OR8J1: variants seen among roughly 807,000 people sequenced by gnomAD.
The protein encoded by OR8J1 is olfactory receptor family 8 subfamily J member 1, also known as olfactory receptor 8J1.
For synonymous variants in OR8J1, 157 were observed against 144.3 expected (o/e 1.09, Z -0.63); for missense variants, 400 against 373.0 (o/e 1.07, Z -0.60).
intron 1 of OR8J1, chr11:56,357,556 C>A: frequency 2.2e-6 from 2 of 896,238 alleles, no homozygotes; most frequent in Non-Finnish European, 3.7e-6. Flanking sequence ...GTCCGCGCGG[C>A]ACATGCACAC....
chr11:56,354,530 T>C (rs1475786576), intron 1 of OR8J1, among the ~76,000 whole-genome samples: 1 of 152,226 alleles, frequency 6.6e-6, no homozygotes, highest in African/African-American at 2.4e-5. Context: ...AAGCTATTTA[T>C]GTCTCCAAAA....
intron 1 of OR8J1, 95 bp downstream of exon 1, chr11:56,354,420 G>A (rs1329362148): frequency 1.3e-5 from 2 of 151,932 alleles, no homozygotes; most frequent in East Asian, 3.9e-4. Context: ...GTATGGTTTT[G>A]GATCTTTTAA....
At chr11:56,359,157 A>T (rs1286398316) in intron 1 of OR8J1, among the ~76,000 whole-genome samples, 1 of 152,090 alleles carries the variant, frequency 6.6e-6, no homozygotes, top group East Asian at 1.9e-4. Flanking sequence ...GGTGTCCACA[A>T]CAGGGGAACT....
chr11:56,361,033 C>A lies in OR8J1; in HGVS notation c.787C>A (p.Arg263=). ...ATTGCTATTCATGTATGTGCAGCCC[C>A]GAAGTAACCATTCACTGGATACTGA... ...GTLLFMYVQP[R]SNHSLDTDDK... Residue 263 remains arginine, a synonymous_variant, in exon 2 of 2, where the codon CGA becomes AGA. Transcript: ENST00000533152. The A allele has an allele frequency of 1.3e-6, 2 of 1,493,302 alleles. No homozygotes were observed. The highest frequency in any genetic ancestry group is 2.5e-5 in the Admixed American group (1 of 40,238). 92.5% of individuals were successfully genotyped at this position (1,493,302 alleles called of 1,614,324 possible).
At chr11:56,357,500 T>C (rs61903531) in intron 1 of OR8J1, 57,988 of 859,972 alleles carry the variant, frequency 0.067, 2,433 homozygotes, top group Non-Finnish European at 0.081. Flanking sequence ...TAAACAGATA[T>C]ATCATTTGTC....
Position 56,360,764 on chromosome 11 carries a change from T to C in OR8J1, c.518T>C (p.Ile173Thr), listed in dbSNP as rs751587393. The change falls in exon 2 of 2, where the codon ATA (isoleucine) becomes ACA (threonine). Residue 173 changes from isoleucine to threonine, a missense_variant. Ile to Thr is a moderately conservative substitution (Grantham distance 89). Transcript: ENST00000533152. ...TCTGTGTCTTATTGCTCTTCTAATA[T>C]AATCAATCATTTTTACTGTGATAAT... ...VFSVSYCSSN[I>T]INHFYCDNVP... 6.9e-6 allele frequency: 11 copies of C among 1,591,066 alleles called. No homozygotes were observed. Among genetic ancestry groups the C allele is most frequent in the Middle Eastern group, 1.7e-4 (1 of 5,884 alleles).
chr11:56,357,844 CT>C lies in OR8J1; in HGVS notation c.-20-2382del. On this transcript the variant is annotated intron_variant, in intron 1 of 1. Coordinates refer to ENST00000533152, the MANE Select transcript of OR8J1 (RefSeq NM_001005205.3). ...GCTGCGGTTGGAGGCTTGTCTATCC[CT>C]CACAGTACCAAACAATTCCCTGATT... 3 of 952,766 alleles carry C rather than the reference CT, an allele frequency of 3.1e-6. No homozygotes were observed. The South Asian group carries it at 3.8e-5, about 12-fold the overall frequency. The allele number at this position is 952,766 out of a possible 1,614,324, so 59.0% of individuals were successfully genotyped here.
intron 1 of OR8J1, among the ~76,000 whole-genome samples, chr11:56,358,381 C>G (rs1421564698): frequency 6.6e-6 from 1 of 152,092 alleles, no homozygotes; most frequent in Non-Finnish European, 1.5e-5. Context: ...ACCCCCTACC[C>G]CCTCAAAAAC....
chr11:56,360,081 T>C, intron 1 of OR8J1, 146 bp from the exon 2 acceptor site: 1 of 498,718 alleles, frequency 2.0e-6, no homozygotes, highest in Non-Finnish European at 3.4e-6. Context: ...CAAGTTTACT[T>C]ATTAGACCTA....
chr11:56,357,402 A>G, intron 1 of OR8J1: 1 of 846,308 alleles, frequency 1.2e-6, no homozygotes, highest in Non-Finnish European at 2.0e-6. Context: ...ACGAGAGGGT[A>G]AAACTGATTA....
At position 56,358,207 on chromosome 11, in the gene OR8J1, G is replaced by C. The variant is rs369689567; in HGVS notation, c.-20-2020G>C. On this transcript the variant is annotated intron_variant, in intron 1 of 1. Transcript: ENST00000533152. ...AAGCTTCCTCAGAGCTCAGGAGCAGGATGCTGAAAGCTAAACCAAACAATT... is the reference window on the plus strand; with the variant it reads ...AAGCTTCCTCAGAGCTCAGGAGCAGCATGCTGAAAGCTAAACCAAACAATT... 28 of 288,358 alleles carry C rather than the reference G, an allele frequency of 9.7e-5. No individual in the cohort carries two copies. The East Asian group carries it at 1.7e-3, about 17-fold the overall frequency. The allele number at this position is 288,358 out of a possible 1,614,324, so 17.9% of individuals were successfully genotyped here. A position where few individuals can be genotyped will look rare whatever the true frequency, so the allele number is the denominator to read the frequency against.
chr11:56,356,588 C>T lies in OR8J1; in HGVS notation c.-21+2263C>T, dbSNP rs184371290. Among the ~76,000 whole-genome samples the T allele has an allele frequency of 1.7e-4, 26 of 151,928 alleles. No individual in the cohort carries two copies. The East Asian group carries it at 2.1e-3, about 12-fold the overall frequency. ...GACACAGAAGCACAACTACCTGTTA[C>T]GTAGTGTTTGGAAATAAAAGGAAAA... On this transcript the variant is annotated intron_variant, in intron 1 of 1. Coordinates refer to ENST00000533152, the MANE Select transcript of OR8J1 (RefSeq NM_001005205.3).
chr11:56,361,122 C>T lies in OR8J1; in HGVS notation c.876C>T (p.Ser292=). 2.0e-6 allele frequency: 3 copies of T among 1,489,088 alleles called. No individual in the cohort carries two copies. The highest frequency in any genetic ancestry group is 1.8e-6 in the Non-Finnish European group (2 of 1,126,898). The allele number at this position is 1,489,088 out of a possible 1,614,324, so 92.2% of individuals were successfully genotyped here. A position where few individuals can be genotyped will look rare whatever the true frequency, so the allele number is the denominator to read the frequency against. ...CTATGCTGAATCCCTTGATCTACAG[C>T]CTGAGGAATAAGGATGTGAAGACTG... ...VIPMLNPLIY[S]LRNKDVKTAL... Residue 292 remains serine, a synonymous_variant, in exon 2 of 2, where the codon AGC becomes AGT. Transcript: ENST00000533152.
intron 1 of OR8J1, chr11:56,357,337 G>A (rs1394415236): frequency 1.6e-6 from 1 of 627,024 alleles, no homozygotes; most frequent in Non-Finnish European, 2.9e-6. Context: ...GTTTGTTAAA[G>A]TTGTTAAGAG....
In OR8J1 at chr11:56,361,290, T is replaced by G. The variant is rs771822660; in HGVS notation, c.*93T>G. 2.8e-5 allele frequency: 13 copies of G among 458,698 alleles called. No homozygotes were observed. The highest frequency in any genetic ancestry group is 4.7e-5 in the Non-Finnish European group (13 of 275,926). The allele number at this position is 458,698 out of a possible 1,614,324, so 28.4% of individuals were successfully genotyped here. A position where few individuals can be genotyped will look rare whatever the true frequency, so the allele number is the denominator to read the frequency against. On this transcript the variant is annotated 3_prime_UTR_variant, in exon 2 of 2. Coordinates refer to ENST00000533152, the MANE Select transcript of OR8J1 (RefSeq NM_001005205.3). Reference sequence around the variant, plus strand: ...GAAAAAGAAAAGGTAGGTAGCCGAGTTACAGGTTCGTAAGCAATCATAAGA... The same window carrying G: ...GAAAAAGAAAAGGTAGGTAGCCGAGGTACAGGTTCGTAAGCAATCATAAGA...
chr11:56,357,596 C>A, intron 1 of OR8J1: 1 of 1,188,348 alleles, frequency 8.4e-7, no homozygotes, highest in Non-Finnish European at 1.2e-6. Flanking sequence ...TGAAGGTTGG[C>A]CTGACAAATT....
rs781156862 is a variant in OR8J1 at position 56,360,498 on chromosome 11, CT to C, written c.257del (p.Leu86Ter). On this transcript the variant is annotated frameshift_variant, in exon 2 of 2. Transcript: ENST00000533152. LOFTEE classifies it low-confidence loss of function (END_TRUNC). ...TVIAPKMLIN[F>X]LVKKKTTSFY... ...TCATTGCCCCTAAAATGCTGATTAA[CT>C]TTTTAGTAAAGAAGAAAACTACCTC... 2.8e-5 allele frequency: 45 copies of C among 1,614,030 alleles called. No homozygotes were observed. Among genetic ancestry groups the C allele is most frequent in the Admixed American group, 5.0e-5 (3 of 59,986 alleles).
chr11:56,360,875 C>T lies in OR8J1; in HGVS notation c.629C>T (p.Ser210Phe), dbSNP rs1025232247. 2.0e-6 allele frequency: 3 copies of T among 1,502,198 alleles called. No individual in the cohort carries two copies. The highest frequency in any genetic ancestry group is 1.4e-5 in the African/African-American group (1 of 70,802). The allele number at this position is 1,502,198 out of a possible 1,614,324, so 93.1% of individuals were successfully genotyped here. A position where few individuals can be genotyped will look rare whatever the true frequency, so the allele number is the denominator to read the frequency against. Residue 210 changes from serine (S) to phenylalanine (F), a missense_variant, in exon 2 of 2, where the codon TCC (serine) becomes TTC (phenylalanine). Transcript: ENST00000533152. ...TCTGCAGCAACAAATGTGGTTGGTTCCTTGATTATAGTTCTAGTATCTTAT... is the reference window on the plus strand; with the variant it reads ...TCTGCAGCAACAAATGTGGTTGGTTTCTTGATTATAGTTCTAGTATCTTAT... ...FISAATNVVG[S>F]LIIVLVSYFN...
At position 56,361,473 on chromosome 11, in the gene OR8J1, GA is replaced by G. The variant is rs898919006; in HGVS notation, c.*285del. On this transcript the variant is annotated 3_prime_UTR_variant, in exon 2 of 2. Transcript: ENST00000533152. The stretch of plus-strand genomic sequence containing the variant: ...AAATAAAAATGGTTTCCAGCAGTTA[GA>G]AAAAAAAATTAAAAAAAGTTAAATA... 9.5e-5 allele frequency: 30 copies of G among 314,894 alleles called. No individual in the cohort carries two copies. The highest frequency in any genetic ancestry group is 1.6e-4 in the South Asian group (1 of 6,298). 19.5% of individuals were successfully genotyped at this position (314,894 alleles called of 1,614,324 possible).
Sources: allele counts gnomAD v4.1 joint callset (sites outside exome capture counted in the v4.1 genomes callset), GRCh38; gene constraint gnomAD v4.1.1; transcripts MANE v1.5; gene names NCBI Gene and HGNC (gene_info 2026-07-23, HGNC 2026-07-21).